UGT1A10: variants seen among roughly 807,000 people sequenced by gnomAD.
UGT1A10 encodes UDP-glucuronosyltransferase 1A10.
UGT1A10 carries 49 observed loss-of-function variants against 45.8 expected under a neutral mutation model. The observed-to-expected ratio is 1.07, with a 90% CI of 0.85 to 1.36. The LOEUF is 1.36. Among genes scored for constraint, UGT1A10 ranks in the 40% most tolerant of loss-of-function variants. The pLI, the probability that UGT1A10 is intolerant of heterozygous loss-of-function variation, is 0.00. For missense variants in UGT1A10, 745 were observed against 668.6 expected (o/e 1.11, Z -1.26); for synonymous variants, 284 against 249.7 (o/e 1.14, Z -1.29).
At chr2:233,661,804 C>T (rs2073977125) in intron 1 of UGT1A10, among the ~76,000 whole-genome samples, 1 of 150,940 alleles carries the variant, frequency 6.6e-6, no homozygotes, top group Non-Finnish European at 1.5e-5. Flanking sequence ...TCATGAATTT[C>T]TCTGCTTCAT....
At chr2:233,738,243 A>G (rs57963849) in intron 1 of UGT1A10, among the ~76,000 whole-genome samples, 4 of 152,190 alleles carry the variant, frequency 2.6e-5, no homozygotes, top group Non-Finnish European at 5.9e-5. Context: ...CTCCAGCCAC[A>G]TGGAACTGGA....
chr2:233,638,365 G>T lies in UGT1A10; in HGVS notation c.855+988G>T, dbSNP rs149608937. On this transcript the variant is annotated intron_variant, in intron 1 of 4. Transcript: ENST00000344644. ...AATTAAAATTTTGGTTTTTGCATAT[G>T]TATCTTGTATCCAGCCACATCACTA... Among the ~76,000 whole-genome samples the T allele has an allele frequency of 2.0e-5, 3 of 152,182 alleles. No individual in the cohort carries two copies. In the East Asian group the frequency reaches 5.8e-4, roughly 29 times the overall value.
At chr2:233,766,435 T>C (rs913964749) in intron 1 of UGT1A10, among the ~76,000 whole-genome samples, 5 of 152,184 alleles carry the variant, frequency 3.3e-5, no homozygotes, top group African/African-American at 1.2e-4. Flanking sequence ...TCCAGCTACC[T>C]GTGTGTCTGC....
chr2:233,760,276 A>G (rs1040602725), intron 1 of UGT1A10: 1 of 1,612,606 alleles, frequency 6.2e-7, no homozygotes, highest in South Asian at 1.1e-5. Flanking sequence ...CTCTGGCAGG[A>G]GCAAAGGCGC....
intron 1 of UGT1A10, among the ~76,000 whole-genome samples, chr2:233,702,160 A>T (rs577111484): frequency 1.3e-5 from 2 of 152,316 alleles, no homozygotes; most frequent in African/African-American, 2.4e-5. Flanking sequence ...ATCTATTATC[A>T]GTCACTCTTC....
chr2:233,724,277 C>A (rs1162056701), intron 1 of UGT1A10, among the ~76,000 whole-genome samples: 1 of 115,790 alleles, frequency 8.6e-6, no homozygotes, highest in African/African-American at 3.3e-5. Context: ...GGCGGCTGGC[C>A]GGGCGGGGGG....
chr2:233,751,466 T>C (rs1694736440), intron 1 of UGT1A10, among the ~76,000 whole-genome samples: 1 of 152,134 alleles, frequency 6.6e-6, no homozygotes. Context: ...GAAGGCACGA[T>C]TGGTTTTGAA....
At chr2:233,743,563 C>A (rs546286371) in intron 1 of UGT1A10, 1 of 1,367,296 alleles carries the variant, frequency 7.3e-7, no homozygotes, top group South Asian at 1.1e-5. Flanking sequence ...TATTCTCCAG[C>A]GGGTTTCCCA....
intron 1 of UGT1A10, chr2:233,747,109 G>A: frequency 7.1e-7 from 1 of 1,400,096 alleles, no homozygotes; most frequent in Non-Finnish European, 9.7e-7. Context: ...CCAATTACAT[G>A]ATGATTTGCT....
At chr2:233,722,231 T>C (rs1012078678) in intron 1 of UGT1A10, among the ~76,000 whole-genome samples, 1 of 152,246 alleles carries the variant, frequency 6.6e-6, no homozygotes, top group Non-Finnish European at 1.5e-5. Context: ...AAAATCTTTA[T>C]CATGTATTAT....
At chr2:233,700,738 A>T (rs1433623509) in intron 1 of UGT1A10, among the ~76,000 whole-genome samples, 3 of 152,020 alleles carry the variant, frequency 2.0e-5, no homozygotes, top group Non-Finnish European at 4.4e-5. Context: ...TATTATTATT[A>T]TACTTTAAGT....
At chr2:233,730,078 T>C (rs1454977100) in intron 1 of UGT1A10, 3 of 1,605,302 alleles carry the variant, frequency 1.9e-6, no homozygotes, top group East Asian at 2.3e-5. Flanking sequence ...GCTTCCATAT[T>C]TACTTATCTT....
In UGT1A10 at chr2:233,637,213, G is replaced by A. The variant is rs201460311; in HGVS notation, c.691G>A (p.Ala231Thr). 1.1e-4 allele frequency: 180 copies of A among 1,613,796 alleles called. No homozygotes were observed. Among genetic ancestry groups the A allele is most frequent in the Non-Finnish European group, 1.4e-4 (171 of 1,179,862 alleles). The stretch of plus-strand genomic sequence containing the variant: ...TCTTTTTAGAAATGCCCTAGAAATA[G>A]CCTCTGAAATTCTCCAAACCCCTGT... ...QYLFRNALEI[A>T]SEILQTPVTA... Residue 231 changes from alanine (A) to threonine (T), a missense_variant, in exon 1 of 5, where the codon GCC becomes ACC. Ala to Thr is a moderately conservative substitution (Grantham distance 58). Transcript: ENST00000344644.
At chr2:233,647,056 T>C (rs1436122601) in intron 1 of UGT1A10, among the ~76,000 whole-genome samples, 2 of 152,134 alleles carry the variant, frequency 1.3e-5, no homozygotes, top group African/African-American at 4.8e-5. Context: ...ACATCCTCCA[T>C]GGATGGCAGC....
chr2:233,722,936 C>A (rs1348734383), intron 1 of UGT1A10, among the ~76,000 whole-genome samples: 1 of 147,750 alleles, frequency 6.8e-6, no homozygotes, highest in Non-Finnish European at 1.5e-5. Flanking sequence ...TGTCTCCATG[C>A]TGAGTGGGCT....
chr2:233,658,224 G>A (rs2125484924), intron 1 of UGT1A10, among the ~76,000 whole-genome samples: 1 of 152,180 alleles, frequency 6.6e-6, no homozygotes, highest in East Asian at 1.9e-4. Flanking sequence ...TCACCATGTT[G>A]ACCAGGCTGG....
In UGT1A10 at chr2:233,767,873, C is replaced by G. The variant is rs72551349; in HGVS notation, c.1012C>G (p.Arg338Gly). ...QTVLWRYTGT[R>G]PSNLANNTIL... is the part of the protein sequence containing the mutation. ...GGTCCTGTGGCGGTACACTGGAACC[C>G]GACCATCGAATCTTGCGAACAACAC... The change falls in exon 3 of 5, where the codon CGA becomes GGA. Residue 338 changes from arginine to glycine, a missense_variant. Arg to Gly is a moderately radical substitution (Grantham distance 125, BLOSUM62 -2). Coordinates refer to ENST00000344644, the MANE Select transcript of UGT1A10 (RefSeq NM_019075.4). 2 of 1,614,156 alleles carry G rather than the reference C, an allele frequency of 1.2e-6. No individual in the cohort carries two copies. The highest frequency in any genetic ancestry group is 1.7e-5 in the Admixed American group (1 of 60,012).
intron 1 of UGT1A10, among the ~76,000 whole-genome samples, chr2:233,643,516 C>T (rs1438475435): frequency 6.6e-6 from 1 of 152,066 alleles, no homozygotes; most frequent in African/African-American, 2.4e-5. Flanking sequence ...ATCAGGGACC[C>T]CAAAAGCCCT....
At chr2:233,670,896 G>A (rs1043718262) in intron 1 of UGT1A10, among the ~76,000 whole-genome samples, 3 of 152,174 alleles carry the variant, frequency 2.0e-5, no homozygotes, top group African/African-American at 7.2e-5. Context: ...CAGAAAAAGT[G>A]TTCTTGCCGA....
Sources: allele counts gnomAD v4.1 joint callset (sites outside exome capture counted in the v4.1 genomes callset), GRCh38; gene constraint gnomAD v4.1.1; transcripts MANE v1.5; gene names NCBI Gene and HGNC (gene_info 2026-07-23, HGNC 2026-07-21).